Variants in KIFAP3 observed in about 807,000 individuals in gnomAD.
KIFAP3 encodes the protein kinesin-associated protein 3.
KIFAP3 carries 68 observed loss-of-function variants against 106.5 expected under a neutral mutation model. That is an observed-to-expected ratio of 0.64 (90% CI 0.53 to 0.78). The LOEUF is 0.78. KIFAP3 is among the 30% of genes least tolerant of loss of function. The pLI is 0.00. For synonymous variants in KIFAP3, 320 were observed against 311.5 expected (o/e 1.03, Z -0.29); for missense variants, 780 against 941.8 (o/e 0.83, Z 2.25).
At chr1:170,049,182 C>T (rs1355469628) in intron 2 of KIFAP3, among the ~76,000 whole-genome samples, 1 of 152,142 alleles carries the variant, frequency 6.6e-6, no homozygotes. Context: ...AGGTAGTTTT[C>T]CCCGGACAGT....
intron 1 of KIFAP3, among the ~76,000 whole-genome samples, chr1:170,056,329 T>C (rs1453803245): frequency 6.6e-6 from 1 of 152,206 alleles, no homozygotes; most frequent in Admixed American, 6.5e-5. Context: ...TCTCAAATTA[T>C]AGTGTCAATA....
intron 10 of KIFAP3, among the ~76,000 whole-genome samples, chr1:169,994,489 T>C (rs777162675): frequency 5.9e-5 from 9 of 152,308 alleles, no homozygotes; most frequent in African/African-American, 1.9e-4. Flanking sequence ...AGATTTTGCA[T>C]CTTGCAAAAC....
rs1044989898 is a variant in KIFAP3 at position 170,034,394 on chromosome 1, T to C, written c.720A>G (p.Glu240=). 2 of 1,606,376 alleles carry C rather than the reference T, an allele frequency of 1.2e-6. No homozygotes were observed. The highest frequency in any genetic ancestry group is 1.7e-6 in the Non-Finnish European group (2 of 1,176,644). ...ELKRHELWQE[E]LSKKKKAVDE... ...TATCAGCTTTCTTCTTCTTTGAGAGTTCTTCTTGCCAAAGCTCATGTCTTT... is the reference window on the plus strand; with the variant it reads ...TATCAGCTTTCTTCTTCTTTGAGAGCTCTTCTTGCCAAAGCTCATGTCTTT... The change falls in exon 7 of 20, where the codon GAA becomes GAG. Residue 240 remains glutamate, a synonymous_variant. Coordinates refer to ENST00000361580, the MANE Select transcript of KIFAP3 (RefSeq NM_014970.4).
At chr1:169,928,447 T>C (rs900738579) in intron 19 of KIFAP3, among the ~76,000 whole-genome samples, 4 of 152,166 alleles carry the variant, frequency 2.6e-5, no homozygotes, top group Non-Finnish European at 5.9e-5. Flanking sequence ...CTGTTGCTTA[T>C]GCCTAAAATC....
chr1:170,074,798 A>G (rs756517973), upstream of KIFAP3: 62 of 1,188,756 alleles, frequency 5.2e-5, no homozygotes, highest in Non-Finnish European at 6.1e-5. Context: ...GGAGCCGAGC[A>G]GGGAAGTTTT....
chr1:169,986,748 C>T (rs1363997192), intron 11 of KIFAP3, among the ~76,000 whole-genome samples: 2 of 151,654 alleles, frequency 1.3e-5, no homozygotes, highest in Non-Finnish European at 2.9e-5. Flanking sequence ...ATCTGAGAAT[C>T]GGTTACATTG....
At chr1:169,991,331 G>A (rs1667094220) in intron 11 of KIFAP3, among the ~76,000 whole-genome samples, 2 of 126,152 alleles carry the variant, frequency 1.6e-5, no homozygotes, top group East Asian at 2.3e-4. Flanking sequence ...GGGCAACAGA[G>A]CAAGATCCTG....
At chr1:169,987,334 G>A (rs918977311) in intron 11 of KIFAP3, among the ~76,000 whole-genome samples, 4 of 152,022 alleles carry the variant, frequency 2.6e-5, no homozygotes, top group Admixed American at 6.6e-5. Flanking sequence ...GTCCCATATT[G>A]AGTATCAGAT....
upstream of KIFAP3, among the ~76,000 whole-genome samples, chr1:170,079,369 C>A (rs1557885838): frequency 6.6e-6 from 1 of 152,094 alleles, no homozygotes. Flanking sequence ...AACAATGAAC[C>A]AAATAAACTT....
chr1:170,061,533 G>A (rs577725009), intron 1 of KIFAP3, among the ~76,000 whole-genome samples: 2,792 of 152,258 alleles, frequency 0.018, 72 homozygotes, highest in African/African-American at 0.063. Flanking sequence ...GAGAGGATGT[G>A]GAGAAATAGG....
chr1:170,032,608 A>G (rs1045835616), intron 7 of KIFAP3, among the ~76,000 whole-genome samples: 1 of 151,732 alleles, frequency 6.6e-6, no homozygotes, highest in African/African-American at 2.4e-5. Context: ...ATATGAGTCA[A>G]GCATATGACC....
intron 1 of KIFAP3, among the ~76,000 whole-genome samples, chr1:170,072,483 T>C (rs1671750609): frequency 6.6e-6 from 1 of 152,104 alleles, no homozygotes; most frequent in South Asian, 2.1e-4. Flanking sequence ...GTGGTATTTA[T>C]GTCAAAACAG....
intron 2 of KIFAP3, among the ~76,000 whole-genome samples, chr1:170,049,125 T>A (rs988298697): frequency 2.6e-5 from 4 of 152,134 alleles, no homozygotes; most frequent in Non-Finnish European, 5.9e-5. Context: ...TCTGGGATGA[T>A]CGAGCTTGGT....
intron 1 of KIFAP3, among the ~76,000 whole-genome samples, chr1:170,062,069 G>A (rs1181595746): frequency 6.6e-6 from 1 of 151,942 alleles, no homozygotes; most frequent in Non-Finnish European, 1.5e-5. Flanking sequence ...TGTAAATGAC[G>A]AGTTAATGGG....
intron 1 of KIFAP3, among the ~76,000 whole-genome samples, chr1:170,082,085 A>G (rs1672028377): frequency 6.6e-6 from 1 of 152,220 alleles, no homozygotes; most frequent in Non-Finnish European, 1.5e-5. Context: ...TTCCACTCCT[A>G]TGTGTCTACC....
At chr1:170,049,810 A>AC (rs142603033) in intron 2 of KIFAP3, among the ~76,000 whole-genome samples, 24,652 of 139,070 alleles carry the variant, frequency 0.18, 2,184 homozygotes, top group Admixed American at 0.24. Context: ...AAAAAACACC[A>AC]CCCCCCCCCA....
At chr1:169,981,336 C>T (rs954777726) in intron 15 of KIFAP3, among the ~76,000 whole-genome samples, 6 of 152,156 alleles carry the variant, frequency 3.9e-5, no homozygotes, top group African/African-American at 1.2e-4. Context: ...CATGAATCAT[C>T]CCTTTGTCCA....
chr1:170,066,084 G>A (rs1303154358), intron 1 of KIFAP3, among the ~76,000 whole-genome samples: 1 of 150,724 alleles, frequency 6.6e-6, no homozygotes, highest in Non-Finnish European at 1.5e-5. Flanking sequence ...GTTGCTTTAG[G>A]AAAAACAATG....
At chr1:169,990,949 T>C (rs1423857843) in intron 11 of KIFAP3, among the ~76,000 whole-genome samples, 1 of 152,082 alleles carries the variant, frequency 6.6e-6, no homozygotes, top group Non-Finnish European at 1.5e-5. Context: ...AAAAGACATG[T>C]GACAAACTTA....
Sources: gnomAD v4.1 joint callset for allele counts (sites outside exome capture counted in the v4.1 genomes callset) on GRCh38, gnomAD v4.1.1 for gene constraint, MANE v1.5 for transcripts, NCBI Gene and HGNC (gene_info 2026-07-23, HGNC 2026-07-21) for gene names.